ANKRD16: variants seen among roughly 807,000 people sequenced by gnomAD.
ANKRD16 encodes the protein ankyrin repeat domain-containing protein 16.
A neutral mutation model predicts 37.9 loss-of-function variants in ANKRD16; 35 were observed. The observed-to-expected ratio is 0.92, with a 90% CI of 0.71 to 1.23. The LOEUF (loss-of-function observed/expected upper bound fraction) is 1.23, where lower values mean the gene tolerates loss of function less well. ANKRD16 is among the 50% of genes most tolerant of loss of function. The pLI is 0.00. For missense variants in ANKRD16, 480 were observed against 469.9 expected (o/e 1.02, Z -0.20); for synonymous variants, 206 against 197.2 (o/e 1.04, Z -0.37).
rs979043420 is a variant in ANKRD16, at chr10:5,861,753, T to G, written c.*972A>C. On this transcript the variant is annotated 3_prime_UTR_variant, in exon 8 of 8. Transcript: ENST00000380094. ...AAGTGGCTTAGATGAAATGTCTTTT[T>G]TTTTTTTGGTTATCAGATAACCCTT... The G allele has an allele frequency of 6.6e-6, 1 of 152,074 alleles. No individual in the cohort carries two copies. Among genetic ancestry groups the G allele is most frequent in the East Asian group, 1.9e-4 (1 of 5,194 alleles). 9.4% of individuals were successfully genotyped at this position (152,074 alleles called of 1,614,324 possible). A position where few individuals can be genotyped will look rare whatever the true frequency, so the allele number is the denominator to read the frequency against.
Position 5,866,824 on chromosome 10 carries a change from A to G in ANKRD16, c.*34-4133T>C, listed in dbSNP as rs908456774. On this transcript the variant is annotated intron_variant, in intron 7 of 7. Coordinates refer to ENST00000380094, the MANE Select transcript of ANKRD16 (RefSeq NM_019046.3). The surrounding 1 kb of genome is among the most constrained non-coding windows in gnomAD (Gnocchi z 4.3). ...AGAGACAGAGACAAAGGAGTCAAAG[A>G]GGGAGACAGAGAGAGGAAGAGACAG... Among the ~76,000 whole-genome samples, 8 of 152,120 alleles carry G rather than the reference A, an allele frequency of 5.3e-5. No homozygotes were observed. The highest frequency in any genetic ancestry group is 1.0e-4 in the Non-Finnish European group (7 of 68,032).
At chr10:5,873,095 T>C (rs1388034268) in intron 7 of ANKRD16, among the ~76,000 whole-genome samples, 1 of 149,608 alleles carries the variant, frequency 6.7e-6, no homozygotes, top group African/African-American at 2.5e-5. Context: ...AGTGACATGA[T>C]CTCAGCTCAC....
rs899927340 is a variant in ANKRD16 at position 5,861,668 on chromosome 10, T to A, written c.*1057A>T. 1 of 151,668 alleles carries A rather than the reference T, an allele frequency of 6.6e-6. No homozygotes were observed. Among genetic ancestry groups the A allele is most frequent in the African/African-American group, 2.4e-5 (1 of 40,918 alleles). The allele number at this position is 151,668 out of a possible 1,614,324, so 9.4% of individuals were successfully genotyped here. A position where few individuals can be genotyped will look rare whatever the true frequency, so the allele number is the denominator to read the frequency against. The stretch of plus-strand genomic sequence containing the variant: ...TAATTTTTATTAAATGCTTTTTCTA[T>A]TCCTGGGTTCTTTGAGAATCATTGA... On this transcript the variant is annotated 3_prime_UTR_variant, in exon 8 of 8. Coordinates refer to ENST00000380094, the MANE Select transcript of ANKRD16 (RefSeq NM_019046.3).
Position 5,880,653 on chromosome 10 carries a change from T to C in ANKRD16, c.850-277A>G, listed in dbSNP as rs141601912. Among the ~76,000 whole-genome samples, 600 of 151,758 alleles carry C rather than the reference T, an allele frequency of 4.0e-3. 1 individual carries two copies. Among genetic ancestry groups the C allele is most frequent in the African/African-American group, 0.014 (572 of 41,108 alleles). Reference sequence around the variant, plus strand: ...AAGGAGCAGGGGGGGGATTAGGCAATGATACATTAAATATCTCTTTCCACT... The same window carrying C: ...AAGGAGCAGGGGGGGGATTAGGCAACGATACATTAAATATCTCTTTCCACT... On this transcript the variant is annotated intron_variant, in intron 5 of 7. Coordinates refer to ENST00000380094, the MANE Select transcript of ANKRD16 (RefSeq NM_019046.3).
chr10:5,862,727 G>C lies in ANKRD16; in HGVS notation c.*34-36C>G, dbSNP rs1292837326. On this transcript the variant is annotated intron_variant, in intron 7 of 7. Transcript: ENST00000380094. The surrounding 1 kb of genome is among the most constrained non-coding windows in gnomAD (Gnocchi z 6.5). ...AGAGTTATTATCATCTCAGTTTACA[G>C]ATGAAACAGAAGCTCAGAGAGGGCA... The C allele has an allele frequency of 7.9e-7, 1 of 1,273,734 alleles. No individual in the cohort carries two copies. The highest frequency in any genetic ancestry group is 1.5e-5 in the African/African-American group (1 of 65,306). 78.9% of individuals were successfully genotyped at this position (1,273,734 alleles called of 1,614,324 possible). A position where few individuals can be genotyped will look rare whatever the true frequency, so the allele number is the denominator to read the frequency against.
At chr10:5,877,135 C>T (rs954082369) in intron 7 of ANKRD16, among the ~76,000 whole-genome samples, 6 of 150,786 alleles carry the variant, frequency 4.0e-5, no homozygotes, top group Admixed American at 1.3e-4. Context: ...TTTTTTGAGA[C>T]GGAGTCATGC....
In ANKRD16 at chr10:5,869,047, A is replaced by G. The variant is rs1842053896; in HGVS notation, c.*34-6356T>C. Among the ~76,000 whole-genome samples the G allele has an allele frequency of 6.6e-6, 1 of 152,066 alleles. No individual in the cohort carries two copies. Among genetic ancestry groups the G allele is most frequent in the East Asian group, 1.9e-4 (1 of 5,196 alleles). ...AATGTGGCCCAACACAAATTTGTAAATTTTCTTAAAACATTGAGATGTTTT... is the reference window on the plus strand; with the variant it reads ...AATGTGGCCCAACACAAATTTGTAAGTTTTCTTAAAACATTGAGATGTTTT... On this transcript the variant is annotated intron_variant, in intron 7 of 7. Transcript: ENST00000380094. The surrounding 1 kb of genome is among the most constrained non-coding windows in gnomAD (Gnocchi z 4.0).
intron 7 of ANKRD16, among the ~76,000 whole-genome samples, chr10:5,867,785 A>G (rs1239724635): frequency 1.3e-5 from 2 of 152,150 alleles, no homozygotes; most frequent in Non-Finnish European, 2.9e-5. Context: ...CACACTCTCA[A>G]AGGATTTCTC....
rs548810631 is a variant in ANKRD16, at chr10:5,868,032, G to A, written c.*34-5341C>T. Among the ~76,000 whole-genome samples the A allele has an allele frequency of 6.6e-6, 1 of 152,316 alleles. No individual in the cohort carries two copies. The highest frequency in any genetic ancestry group is 1.9e-4 in the East Asian group (1 of 5,184). The stretch of plus-strand genomic sequence containing the variant: ...GAAAAGGCTTCTGAAATCAGACAAC[G>A]CCTTTCAAACTCTTATACCAACCTC... On this transcript the variant is annotated intron_variant, in intron 7 of 7. Transcript: ENST00000380094. The surrounding 1 kb of genome is among the most constrained non-coding windows in gnomAD (Gnocchi z 4.9).
intron 7 of ANKRD16, among the ~76,000 whole-genome samples, chr10:5,876,830 T>C (rs988123616): frequency 1.3e-5 from 2 of 151,964 alleles, no homozygotes; most frequent in African/African-American, 4.8e-5. Context: ...TGATCTAGAC[T>C]AATAATTATT....
chr10:5,884,112 T>C, intron 3 of ANKRD16, 35 bp from the exon 4 acceptor site: 2 of 1,565,416 alleles, frequency 1.3e-6, no homozygotes, highest in Non-Finnish European at 1.8e-6. Context: ...GCTGAGAAAA[T>C]TCAATACCTC....
intron 5 of ANKRD16, among the ~76,000 whole-genome samples, chr10:5,881,474 A>ATG (rs1564417968): frequency 8.8e-4 from 83 of 94,264 alleles, no homozygotes; most frequent in African/African-American, 2.9e-3. Context: ...ATATATATAT[A>ATG]TATATATTTG....
At position 5,864,454 on chromosome 10, in the gene ANKRD16, C is replaced by T. The variant is rs1841987112; in HGVS notation, c.*34-1763G>A. ...CTGATTTAAAGCAGATCAAGGTAGA[C>T]CTGGGTAAGTTTTCAGATATATCCT... On this transcript the variant is annotated intron_variant, in intron 7 of 7. Transcript: ENST00000380094. This position sits in a 1 kb window ranked among gnomAD's most constrained non-coding sequence, Gnocchi z 4.4. Among the ~76,000 whole-genome samples, 2 of 152,088 alleles carry T rather than the reference C, an allele frequency of 1.3e-5. No homozygotes were observed. The highest frequency in any genetic ancestry group is 4.8e-5 in the African/African-American group (2 of 41,362).
chr10:5,872,777 T>C (rs182407892), intron 7 of ANKRD16, among the ~76,000 whole-genome samples: 2,649 of 146,860 alleles, frequency 0.018, 23 homozygotes, highest in East Asian at 0.031. Flanking sequence ...AAGATGGTCT[T>C]AATTTCCTGA....
At position 5,874,798 on chromosome 10, in the gene ANKRD16, G is replaced by A. The variant is rs1842159596; in HGVS notation, c.*33+3299C>T. On this transcript the variant is annotated intron_variant, in intron 7 of 7. Coordinates refer to ENST00000380094, the MANE Select transcript of ANKRD16 (RefSeq NM_019046.3). This position sits in a 1 kb window ranked among gnomAD's most constrained non-coding sequence, Gnocchi z 4.7. ...TGACATTAGGGTGTAGCTGAAACCC[G>A]AGGCATGGACGACAACGCTTCAGGA... Among the ~76,000 whole-genome samples, 1 of 152,294 alleles carries A rather than the reference G, an allele frequency of 6.6e-6. No homozygotes were observed. The highest frequency in any genetic ancestry group is 2.4e-5 in the African/African-American group (1 of 41,548).
rs1413438005 is a variant in ANKRD16, at chr10:5,865,715, G to A, written c.*34-3024C>T. Among the ~76,000 whole-genome samples, 1 of 152,170 alleles carries A rather than the reference G, an allele frequency of 6.6e-6. No individual in the cohort carries two copies. Among genetic ancestry groups the A allele is most frequent in the African/African-American group, 2.4e-5 (1 of 41,432 alleles). ...AAAGTTCCACACCCTTATTAGGGAG[G>A]GACATATTAGCCAAAGCTGGAGCTA... On this transcript the variant is annotated intron_variant, in intron 7 of 7. Transcript: ENST00000380094. This position sits in a 1 kb window ranked among gnomAD's most constrained non-coding sequence, Gnocchi z 4.7.
At chr10:5,877,223 G>A (rs907805475) in intron 7 of ANKRD16, among the ~76,000 whole-genome samples, 12 of 151,972 alleles carry the variant, frequency 7.9e-5, no homozygotes, top group Middle Eastern at 3.2e-3. Flanking sequence ...GGCAATTCTC[G>A]GGCCTCAGCC....
chr10:5,873,590 A>C (rs966263129), intron 7 of ANKRD16, among the ~76,000 whole-genome samples: 1 of 152,162 alleles, frequency 6.6e-6, no homozygotes, highest in Non-Finnish European at 1.5e-5. Context: ...TAGGCCTTAC[A>C]AACAAAAGTC....
At chr10:5,880,682 T>C (rs573108879) in intron 5 of ANKRD16, among the ~76,000 whole-genome samples, 4 of 152,226 alleles carry the variant, frequency 2.6e-5, no homozygotes, top group Middle Eastern at 3.4e-3. Flanking sequence ...TTCCACTCAG[T>C]AAATTGGCAC....
Sources: gnomAD v4.1 joint callset for allele counts (sites outside exome capture counted in the v4.1 genomes callset) on GRCh38, gnomAD v4.1.1 for gene constraint, Gnocchi (gnomAD v3.1) non-coding constraint, MANE v1.5 for transcripts, NCBI Gene and HGNC (gene_info 2026-07-23, HGNC 2026-07-21) for gene names.